CHFR: variants seen among roughly 807,000 people sequenced by gnomAD.
CHFR encodes the protein E3 ubiquitin-protein ligase CHFR.
Under a neutral mutation model 87.6 loss-of-function variants are expected in CHFR, and 57 were observed. The observed-to-expected ratio is 0.65, with a 90% CI of 0.53 to 0.81. The LOEUF (loss-of-function observed/expected upper bound fraction) is 0.81. Ranked by LOEUF, CHFR falls within the 30% of genes least tolerant of loss-of-function variation. The probability of loss-of-function intolerance (pLI) is 0.00; values close to 1 mark genes in which losing one functional copy is unlikely to be tolerated. For synonymous variants in CHFR, 381 were observed against 359.2 expected, an observed-to-expected ratio of 1.06 and a Z score of -0.69; for missense variants, 797 against 865.8, an observed-to-expected ratio of 0.92 and a Z score of 1.00.
intron 6 of CHFR, among the ~76,000 whole-genome samples, chr12:132,864,232 T>C (rs944364304): frequency 4.6e-5 from 7 of 150,620 alleles, no homozygotes; most frequent in African/African-American, 1.7e-4. Context: ...CAGAATAGTT[T>C]TGGGGACAAA....
chr12:132,860,919 AT>A (rs1951196367), intron 7 of CHFR, among the ~76,000 whole-genome samples: 1 of 152,060 alleles, frequency 6.6e-6, no homozygotes, highest in Non-Finnish European at 1.5e-5. Flanking sequence ...CACCCAGCTA[AT>A]TTTTGCATTT....
intron 2 of CHFR, among the ~76,000 whole-genome samples, 167 bp from the exon 3 acceptor site, chr12:132,877,821 G>C (rs1217093406): frequency 6.8e-6 from 1 of 147,670 alleles, no homozygotes; most frequent in Non-Finnish European, 1.5e-5. Flanking sequence ...TTTTTTTCTT[G>C]AGACGGAGTC....
At chr12:132,843,914 A>G in intron 16 of CHFR, 113 bp downstream of exon 16, 1 of 633,486 alleles carries the variant, frequency 1.6e-6, no homozygotes, top group South Asian at 1.7e-5. Context: ...GCACCACTGC[A>G]CTCCAGCCTG....
At position 132,847,652 on chromosome 12, in the gene CHFR, C is replaced by T. The variant is rs908032009; in HGVS notation, c.1647+433G>A. 15 of 1,082,558 alleles carry T rather than the reference C, an allele frequency of 1.4e-5. No individual in the cohort carries two copies. The African/African-American group carries it at 1.5e-4, about 11-fold the overall frequency. The allele number at this position is 1,082,558 out of a possible 1,614,324, so 67.1% of individuals were successfully genotyped here. A position where few individuals can be genotyped will look rare whatever the true frequency, so the allele number is the denominator to read the frequency against. ...AAAGTGCTCGGCAGGAGGGCGAATG[C>T]GCATGTTAAACATATGTAAATCCTA... On this transcript the variant is annotated intron_variant, in intron 14 of 17. Transcript: ENST00000450056.
In CHFR at chr12:132,859,202, C is replaced by T; in HGVS notation, c.777G>A (p.Gln259=). The part of the protein sequence containing the change: ...RGDGDLDLNG[Q]LLVAQPRRNA... ...TTCTACGCGGTTGTGCGACCAACAA[C>T]TGCCCGTTCAGGTCAAGGTCCCCAT... Residue 259 remains glutamine (Q), a synonymous_variant, in exon 8 of 18, where the codon CAG becomes CAA. Transcript: ENST00000450056. 1.2e-6 allele frequency: 2 copies of T among 1,613,702 alleles called. No homozygotes were observed. The highest frequency in any genetic ancestry group is 2.2e-5 in the South Asian group (2 of 90,954).
chr12:132,853,081 G>C (rs1198686580), intron 11 of CHFR, among the ~76,000 whole-genome samples: 1 of 152,236 alleles, frequency 6.6e-6, no homozygotes, highest in Non-Finnish European at 1.5e-5. Context: ...CCTCTTACTT[G>C]AGGGACAGAT....
intron 2 of CHFR, among the ~76,000 whole-genome samples, chr12:132,878,204 C>T (rs1273961165): frequency 6.6e-6 from 1 of 152,210 alleles, no homozygotes; most frequent in Non-Finnish European, 1.5e-5. Flanking sequence ...GGCGCAGTGG[C>T]TCATACTTGT....
Position 132,856,396 on chromosome 12 carries a change from G to A in CHFR, c.1229+72C>T, listed in dbSNP as rs1951070989. On this transcript the variant is annotated intron_variant, in intron 10 of 17. Transcript: ENST00000450056. ...CAGGACCCATGCTGTCCACCCAGTA[G>A]TGAGCTCTCGGTCACGGTTGTGATG... is the stretch of plus-strand genomic sequence containing the variant. 5 of 1,529,618 alleles carry A rather than the reference G, an allele frequency of 3.3e-6. No homozygotes were observed. In the African/African-American group the frequency reaches 6.8e-5, roughly 21 times the overall value. The allele number at this position is 1,529,618 out of a possible 1,614,324, so 94.8% of individuals were successfully genotyped here. A position where few individuals can be genotyped will look rare whatever the true frequency, so the allele number is the denominator to read the frequency against.
intron 2 of CHFR, among the ~76,000 whole-genome samples, chr12:132,881,769 G>C (rs369917506): frequency 1.3e-5 from 2 of 151,812 alleles, no homozygotes; most frequent in Non-Finnish European, 1.5e-5. Flanking sequence ...TCAGGAGGCT[G>C]AGGCAAGAGA....
At chr12:132,843,959 A>AT in intron 16 of CHFR, 68 bp downstream of exon 16, 4 of 923,084 alleles carry the variant, frequency 4.3e-6, no homozygotes, top group Non-Finnish European at 5.2e-6. Flanking sequence ...AAAAAAAAAA[A>AT]GAGAGGCAGA....
chr12:132,848,254 G>A (rs1327681974), intron 13 of CHFR, 99 bp from the exon 14 acceptor site: 1 of 1,572,738 alleles, frequency 6.4e-7, no homozygotes, highest in African/African-American at 1.4e-5. Flanking sequence ...TTTCATTACA[G>A]ATTCTAGAAA....
chr12:132,850,859 TA>T (rs532547167), intron 12 of CHFR, among the ~76,000 whole-genome samples: 1 of 148,980 alleles, frequency 6.7e-6, no homozygotes, highest in Non-Finnish European at 1.5e-5. Flanking sequence ...TAGGAAGTCA[TA>T]AAAAAAAGGC....
At position 132,840,333 on chromosome 12, in the gene CHFR, C is replaced by A. The variant is rs55996389; in HGVS notation, c.*1221G>T. 2.3e-3 allele frequency: 346 copies of A among 152,558 alleles called. 1 individual carries two copies. Among genetic ancestry groups the A allele is most frequent in the Non-Finnish European group, 4.1e-3 (279 of 68,042 alleles). 9.5% of individuals were successfully genotyped at this position (152,558 alleles called of 1,614,324 possible). Reference sequence around the variant, plus strand: ...TGGGGAAGTGAGGCAGCCCCAGACACGAGCCCAACACGAGAGCGGAGGAGC... The same window carrying A: ...TGGGGAAGTGAGGCAGCCCCAGACAAGAGCCCAACACGAGAGCGGAGGAGC... On this transcript the variant is annotated 3_prime_UTR_variant, in exon 18 of 18. Coordinates refer to ENST00000450056, the MANE Select transcript of CHFR (RefSeq NM_001161346.2).
intron 6 of CHFR, chr12:132,862,387 G>A (rs749243668): frequency 1.6e-5 from 7 of 435,928 alleles, no homozygotes; most frequent in Non-Finnish European, 2.7e-5. Context: ...GATCCCAGGA[G>A]TTTTAGACCA....
At chr12:132,865,870 CA>C (rs1951323286) in intron 6 of CHFR, 1 of 151,946 alleles carries the variant, frequency 6.6e-6, no homozygotes, top group Non-Finnish European at 1.5e-5. Flanking sequence ...GATACGGTTT[CA>C]CCATGTTGCC....
At chr12:132,861,269 T>C (rs1951203704) in intron 7 of CHFR, among the ~76,000 whole-genome samples, 198 bp downstream of exon 7, 1 of 152,166 alleles carries the variant, frequency 6.6e-6, no homozygotes, top group African/African-American at 2.4e-5. Context: ...CACAGTTCTA[T>C]CTGGATTATG....
chr12:132,874,771 G>A (rs1290376431), intron 3 of CHFR, among the ~76,000 whole-genome samples: 1 of 149,690 alleles, frequency 6.7e-6, no homozygotes, highest in Admixed American at 6.6e-5. Flanking sequence ...GAACAGGCGG[G>A]ACTACCCAGG....
At chr12:132,852,278 G>A (rs1950966028) in intron 11 of CHFR, among the ~76,000 whole-genome samples, 2 of 151,954 alleles carry the variant, frequency 1.3e-5, no homozygotes, top group South Asian at 2.1e-4. Flanking sequence ...ATGAGCCACC[G>A]TGCCCGGCCG....
chr12:132,869,229 C>T (rs1328145358), intron 6 of CHFR, among the ~76,000 whole-genome samples: 57 of 137,032 alleles, frequency 4.2e-4, no homozygotes, highest in African/African-American at 6.4e-4. Context: ...TGGGGAGTGA[C>T]TGCTGGTGGG....
Sources: allele counts gnomAD v4.1 joint callset (sites outside exome capture counted in the v4.1 genomes callset), GRCh38; gene constraint gnomAD v4.1.1; transcripts MANE v1.5; gene names NCBI Gene and HGNC (gene_info 2026-07-23, HGNC 2026-07-21).